The following NXPH1 variants were observed in gnomAD, a reference collection of about 807,000 sequenced individuals.
The protein encoded by NXPH1 is neurexophilin-1.
NXPH1 carries 5 observed loss-of-function variants against 23.7 expected under a neutral mutation model. That is an observed-to-expected ratio of 0.21 (90% confidence interval 0.11 to 0.44). NXPH1 has a LOEUF of 0.44. NXPH1 is among the 20% of genes least tolerant of loss of function. The pLI is 0.99. For missense variants in NXPH1, 324 were observed against 321.6 expected (o/e 1.01, Z -0.06); for synonymous variants, 144 against 122.2 (o/e 1.18, Z -1.18).
Position 8,659,189 on chromosome 7 carries a change from T to C in NXPH1, c.55-91819T>C, listed in dbSNP as rs369622427. Among the ~76,000 whole-genome samples the C allele has an allele frequency of 9.2e-5, 2 of 21,794 alleles. 1 individual carries two copies. The highest frequency in any genetic ancestry group is 1.7e-4 in the African/African-American group (2 of 11,450). The allele number at this position is 21,794 out of a possible 152,430, so 14.3% of individuals were successfully genotyped here. ...CTGATTAACAACTTAAAAAGGAAGA[T>C]TACCAGAGTGCTATTGACAATAACT... is the stretch of plus-strand genomic sequence containing the variant. On this transcript the variant is annotated intron_variant, in intron 2 of 2. Transcript: ENST00000405863.
intron 2 of NXPH1, among the ~76,000 whole-genome samples, chr7:8,628,551 A>G (rs1408425329): frequency 2.0e-5 from 3 of 151,804 alleles, no homozygotes; most frequent in African/African-American, 7.3e-5. Context: ...TAGAACTCTC[A>G]TTTTCTCTAA....
At chr7:8,644,086 G>C (rs1319109673) in intron 2 of NXPH1, among the ~76,000 whole-genome samples, 1 of 152,178 alleles carries the variant, frequency 6.6e-6, no homozygotes, top group Non-Finnish European at 1.5e-5. Flanking sequence ...ATACTACATA[G>C]TTATCTCCCT....
At chr7:8,479,221 G>T (rs1817031624) in intron 2 of NXPH1, among the ~76,000 whole-genome samples, 1 of 152,046 alleles carries the variant, frequency 6.6e-6, no homozygotes. Flanking sequence ...TTAAAGTGGG[G>T]ATACAAATGA....
intron 2 of NXPH1, among the ~76,000 whole-genome samples, chr7:8,500,595 T>G (rs563052305): frequency 7.2e-5 from 11 of 152,184 alleles, no homozygotes; most frequent in African/African-American, 2.4e-4. Flanking sequence ...CACAAGACTC[T>G]TTTGTGAAGG....
chr7:8,701,369 C>T (rs1057410387), intron 2 of NXPH1, among the ~76,000 whole-genome samples: 1 of 151,972 alleles, frequency 6.6e-6, no homozygotes, highest in Admixed American at 6.6e-5. Flanking sequence ...CATTCATTGG[C>T]CCTGATTCTT....
intron 2 of NXPH1, among the ~76,000 whole-genome samples, chr7:8,518,066 C>T (rs1331718951): frequency 6.6e-6 from 1 of 152,002 alleles, no homozygotes; most frequent in Admixed American, 6.6e-5. Context: ...ACTTTGTAGG[C>T]CTGAGGTATG....
chr7:8,503,490 C>G (rs1382918437), intron 2 of NXPH1, among the ~76,000 whole-genome samples: 2 of 151,998 alleles, frequency 1.3e-5, no homozygotes, highest in Non-Finnish European at 1.5e-5. Flanking sequence ...TTACAGACAT[C>G]TTTAAAGTCC....
intron 2 of NXPH1, among the ~76,000 whole-genome samples, chr7:8,483,540 C>A (rs1817108909): frequency 6.6e-6 from 1 of 152,034 alleles, no homozygotes. Context: ...AACTCCTGGG[C>A]TCAAGCGATC....
intron 2 of NXPH1, among the ~76,000 whole-genome samples, chr7:8,630,536 A>T (rs1820104571): frequency 6.6e-6 from 1 of 152,156 alleles, no homozygotes; most frequent in African/African-American, 2.4e-5. Context: ...TAACATTTAT[A>T]AAAATGTTCT....
intron 2 of NXPH1, among the ~76,000 whole-genome samples, chr7:8,454,675 A>C (rs926924683): frequency 6.6e-6 from 1 of 152,166 alleles, no homozygotes; most frequent in Non-Finnish European, 1.5e-5. Flanking sequence ...CCTCTTTAAA[A>C]AGAGAAACGT....
chr7:8,562,041 G>A (rs958163236), intron 2 of NXPH1, among the ~76,000 whole-genome samples: 10 of 151,612 alleles, frequency 6.6e-5, no homozygotes, highest in African/African-American at 2.4e-4. Flanking sequence ...TATCTATACT[G>A]TTCCAGGCAC....
At chr7:8,684,208 T>G (rs978369291) in intron 2 of NXPH1, among the ~76,000 whole-genome samples, 1 of 152,182 alleles carries the variant, frequency 6.6e-6, no homozygotes, top group Admixed American at 6.5e-5. Flanking sequence ...GGTCAGGCTA[T>G]TTCTGGGTTT....
Position 8,474,578 on chromosome 7 carries a change from G to A in NXPH1, c.54+38811G>A, listed in dbSNP as rs1019398746. 5.3e-5 allele frequency among the ~76,000 whole-genome samples: 8 copies of A among 152,118 alleles called. No homozygotes were observed. In the East Asian group the frequency reaches 1.2e-3, roughly 22 times the overall value. On this transcript the variant is annotated intron_variant, in intron 2 of 2. Transcript: ENST00000405863. Reference sequence around the variant, plus strand: ...GTTTAAACACATTTACAAAAAACAGGTTGATGCTCTGCAAACTACTTCGAA... The same window carrying A: ...GTTTAAACACATTTACAAAAAACAGATTGATGCTCTGCAAACTACTTCGAA...
In NXPH1 at chr7:8,724,469, C is replaced by A. The variant is rs184754332; in HGVS notation, c.55-26539C>A. On this transcript the variant is annotated intron_variant, in intron 2 of 2. Coordinates refer to ENST00000405863, the MANE Select transcript of NXPH1 (RefSeq NM_152745.3). Reference sequence around the variant, plus strand: ...TCTATCCACAGTGCTCAAGGTAAAACAAACTGCTAATAATGAGTAAGCCAT... The same window carrying A: ...TCTATCCACAGTGCTCAAGGTAAAAAAAACTGCTAATAATGAGTAAGCCAT... Among the ~76,000 whole-genome samples the A allele has an allele frequency of 3.9e-4, 59 of 152,306 alleles. 1 individual carries two copies. The East Asian group carries it at 0.01, about 26-fold the overall frequency.
chr7:8,477,173 A>G (rs1816988329), intron 2 of NXPH1, among the ~76,000 whole-genome samples: 1 of 152,092 alleles, frequency 6.6e-6, no homozygotes, highest in Non-Finnish European at 1.5e-5. Flanking sequence ...TGACTCTATA[A>G]AAAGTACTTC....
At chr7:8,565,228 A>G (rs1345412918) in intron 2 of NXPH1, among the ~76,000 whole-genome samples, 1 of 151,802 alleles carries the variant, frequency 6.6e-6, no homozygotes, top group African/African-American at 2.4e-5. Flanking sequence ...GGTCCTTTCA[A>G]AACATCAAAA....
chr7:8,692,519 G>T (rs1821237919), intron 2 of NXPH1, among the ~76,000 whole-genome samples: 1 of 152,154 alleles, frequency 6.6e-6, no homozygotes, highest in Non-Finnish European at 1.5e-5. Flanking sequence ...AACAGAACAA[G>T]ACTTCCTAGG....
intron 2 of NXPH1, among the ~76,000 whole-genome samples, chr7:8,637,333 C>T (rs1399810228): frequency 6.6e-6 from 1 of 151,980 alleles, no homozygotes; most frequent in East Asian, 1.9e-4. Context: ...AGTGATTCTC[C>T]TACACCAGCT....
chr7:8,697,032 C>T (rs1421618999), intron 2 of NXPH1, among the ~76,000 whole-genome samples: 1 of 151,184 alleles, frequency 6.6e-6, no homozygotes, highest in Non-Finnish European at 1.5e-5. Flanking sequence ...GTGGTGGGCG[C>T]CTGTGATCCC....
Sources: gnomAD v4.1 joint callset for allele counts (sites outside exome capture counted in the v4.1 genomes callset) on GRCh38, gnomAD v4.1.1 for gene constraint, MANE v1.5 for transcripts, NCBI Gene and HGNC (gene_info 2026-07-23, HGNC 2026-07-21) for gene names.